Variants in KLHL1 observed in about 807,000 individuals in gnomAD.
KLHL1 encodes kelch-like protein 1.
A neutral mutation model predicts 77.7 loss-of-function variants in KLHL1; 47 were observed. The observed-to-expected ratio is 0.60, with a 90% CI of 0.48 to 0.77. The LOEUF is 0.77. Ranked by LOEUF, KLHL1 falls within the 30% of genes least tolerant of loss-of-function variation. The pLI, the probability that KLHL1 is intolerant of heterozygous loss-of-function variation, is 0.00. For missense variants in KLHL1, 925 were observed against 910.8 expected (o/e 1.02, Z -0.20); for synonymous variants, 360 against 325.2 (o/e 1.11, Z -1.15).
chr13:69,783,841 T>G (rs1392776746), intron 7 of KLHL1, among the ~76,000 whole-genome samples: 17 of 151,042 alleles, frequency 1.1e-4, no homozygotes, highest in Non-Finnish European at 4.4e-5. Flanking sequence ...GCCACAAAGA[T>G]ACTCCTCGAG....
chr13:69,730,909 G>A (rs769974794), intron 8 of KLHL1, among the ~76,000 whole-genome samples: 2 of 151,916 alleles, frequency 1.3e-5, no homozygotes, highest in Non-Finnish European at 2.9e-5. Flanking sequence ...ATTATTGTAA[G>A]TTTTACTATC....
chr13:69,816,825 G>A (rs1382769874), intron 6 of KLHL1, among the ~76,000 whole-genome samples: 1 of 152,002 alleles, frequency 6.6e-6, no homozygotes, highest in Non-Finnish European at 1.5e-5. Flanking sequence ...GAGAGTGGTG[G>A]CACATGCCTG....
At chr13:69,998,780 G>T (rs1231392588) in intron 1 of KLHL1, among the ~76,000 whole-genome samples, 1 of 152,044 alleles carries the variant, frequency 6.6e-6, no homozygotes, top group Non-Finnish European at 1.5e-5. Context: ...GCTGCAATAA[G>T]GTTGTTGGCC....
At chr13:69,888,785 C>T (rs1247838475) in intron 4 of KLHL1, among the ~76,000 whole-genome samples, 2 of 152,058 alleles carry the variant, frequency 1.3e-5, no homozygotes, top group Non-Finnish European at 2.9e-5. Flanking sequence ...AGGAAACTAA[C>T]ACACATCATT....
chr13:69,719,625 G>C, intron 8 of KLHL1, 44 bp from the exon 9 acceptor site: 1 of 1,483,044 alleles, frequency 6.7e-7, no homozygotes. Flanking sequence ...TCATAGTCTG[G>C]ATGACAAAAT....
At chr13:69,709,230 C>T (rs1424124522) in intron 9 of KLHL1, among the ~76,000 whole-genome samples, 13 of 152,156 alleles carry the variant, frequency 8.5e-5, no homozygotes, top group African/African-American at 2.6e-4. Context: ...CATAGACACA[C>T]ACACCAACAC....
intron 5 of KLHL1, among the ~76,000 whole-genome samples, chr13:69,855,973 A>G (rs1593891889): frequency 2.0e-5 from 3 of 147,482 alleles, no homozygotes; most frequent in South Asian, 4.2e-4. Flanking sequence ...TATATAATAT[A>G]CATGTTTTTT....
chr13:69,884,939 T>TATCTCTGCATCTAAC (rs1343426441), intron 4 of KLHL1, among the ~76,000 whole-genome samples: 27 of 3,452 alleles, frequency 7.8e-3, no homozygotes, highest in African/African-American at 0.011. Flanking sequence ...CTTTTCTTTT[T>TATCTCTGCATCTAAC]TTTTTTTTTT....
intron 6 of KLHL1, among the ~76,000 whole-genome samples, chr13:69,814,167 G>A (rs150289379): frequency 2.6e-5 from 4 of 152,138 alleles, no homozygotes; most frequent in South Asian, 2.1e-4. Context: ...ATCAATAAAT[G>A]GTTTCGGGAA....
intron 2 of KLHL1, among the ~76,000 whole-genome samples, chr13:69,967,827 A>G (rs2482560): frequency 0.62 from 94,047 of 150,934 alleles, 29,348 homozygotes; most frequent in South Asian, 0.65. Flanking sequence ...GGAGATTGCA[A>G]TGAGCCAAGA....
At chr13:69,721,775 C>T (rs1031403691) in intron 8 of KLHL1, among the ~76,000 whole-genome samples, 10 of 152,104 alleles carry the variant, frequency 6.6e-5, no homozygotes, top group Admixed American at 3.9e-4. Flanking sequence ...CCCAAGTGTT[C>T]CCTTGATGCG....
intron 7 of KLHL1, among the ~76,000 whole-genome samples, chr13:69,753,468 A>C (rs748357166): frequency 1.3e-5 from 2 of 152,182 alleles, no homozygotes. Context: ...TGTTACAAAC[A>C]AAAACAGAAC....
chr13:69,839,064 T>A lies in KLHL1; in HGVS notation c.1326A>T (p.Arg442Ser). Reference sequence around the variant, plus strand: ...TTCTCGGACTTTGCATTAAAGTTCTTCTTTCTGGCAATAGATGGTATTTCA... The same window carrying A: ...TTCTCGGACTTTGCATTAAAGTTCTACTTTCTGGCAATAGATGGTATTTCA... The part of the protein sequence containing the change: ...EAMKYHLLPE[R>S]RTLMQSPRTK... Residue 442 changes from arginine (R) to serine (S), a missense_variant, in exon 6 of 11, where the codon AGA (arginine) becomes AGT (serine). Coordinates refer to ENST00000377844, the MANE Select transcript of KLHL1 (RefSeq NM_020866.3). 6.2e-7 allele frequency: 1 copy of A among 1,611,328 alleles called. No homozygotes were observed. The highest frequency in any genetic ancestry group is 8.5e-7 in the Non-Finnish European group (1 of 1,178,382).
intron 1 of KLHL1, among the ~76,000 whole-genome samples, chr13:70,025,565 T>A (rs1407550228): frequency 6.6e-6 from 1 of 151,884 alleles, no homozygotes; most frequent in Non-Finnish European, 1.5e-5. Flanking sequence ...TCCCCCAAAG[T>A]ATTTGTATTA....
rs138583257 is a variant in KLHL1, at chr13:69,857,335, C to T, written c.1228-18173G>A. Among the ~76,000 whole-genome samples the T allele has an allele frequency of 7.6e-3, 1,159 of 152,104 alleles. 9 individuals carry two copies. Among genetic ancestry groups the T allele is most frequent in the African/African-American group, 0.026 (1,084 of 41,514 alleles). ...GCCAGGGCATATTGACTACTCCTCC[C>T]TTTGTGCCTCCTATTATCTACCTAC... On this transcript the variant is annotated intron_variant, in intron 5 of 10. Transcript: ENST00000377844.
chr13:69,815,437 GC>G (rs1479085636), intron 6 of KLHL1, among the ~76,000 whole-genome samples: 1 of 152,184 alleles, frequency 6.6e-6, no homozygotes, highest in African/African-American at 2.4e-5. Flanking sequence ...ATTATCCTAA[GC>G]AAATTATCAC....
At chr13:70,086,472 T>C (rs1487006608) in intron 1 of KLHL1, among the ~76,000 whole-genome samples, 1 of 149,270 alleles carries the variant, frequency 6.7e-6, no homozygotes, top group Non-Finnish European at 1.5e-5. Context: ...TCCCAGCTAC[T>C]TGGAAGGTTG....
intron 7 of KLHL1, among the ~76,000 whole-genome samples, chr13:69,748,749 A>G (rs1874336198): frequency 6.6e-6 from 1 of 151,586 alleles, no homozygotes; most frequent in Non-Finnish European, 1.5e-5. Flanking sequence ...ACTTTTAATA[A>G]ATTTTAGTTG....
intron 1 of KLHL1, among the ~76,000 whole-genome samples, chr13:69,982,049 A>G (rs547151902): frequency 1.3e-5 from 2 of 152,244 alleles, no homozygotes; most frequent in South Asian, 2.1e-4. Flanking sequence ...TTTACTTTGC[A>G]ATGAAAGTTA....
Sources: gnomAD v4.1 joint callset for allele counts (sites outside exome capture counted in the v4.1 genomes callset) on GRCh38, gnomAD v4.1.1 for gene constraint, MANE v1.5 for transcripts, NCBI Gene and HGNC (gene_info 2026-07-23, HGNC 2026-07-21) for gene names.